Variants in BCOR observed in about 807,000 individuals in gnomAD.
BCOR encodes the protein BCL-6 corepressor.
Under a neutral mutation model 86.7 loss-of-function variants are expected in BCOR, and 10 were observed. That is an observed-to-expected ratio of 0.12 (90% CI 0.07 to 0.20). The LOEUF is 0.20. BCOR is among the 10% of genes least tolerant of loss of function. BCOR has a pLI of 1.00. For missense variants in BCOR, 1,259 were observed against 1,452.1 expected (o/e 0.87, Z 2.16); for synonymous variants, 611 against 609.0 (o/e 1.00, Z -0.05).
rs150061973 is a variant in BCOR, at chrX:40,063,822, C to T, written c.3633G>A (p.Leu1211=). The T allele has an allele frequency of 3.5e-5, 42 of 1,210,258 alleles. No individual in the cohort carries two copies. The African/African-American group carries it at 6.6e-4, about 19-fold the overall frequency. ...TGLHPKKQRH[L]LHLRERWEQQ... The stretch of plus-strand genomic sequence containing the variant: ...GCTCCCATCGTTCTCTAAGGTGCAG[C>T]AAGTGGCGTTGTTTTTTAGGATGGA... The change falls in exon 8 of 15, where the codon TTG becomes TTA. Residue 1211 remains leucine (L), a synonymous_variant. Coordinates refer to ENST00000378444, the MANE Select transcript of BCOR (RefSeq NM_001123385.2).
Position 40,072,557 on chromosome X carries a change from G to C in BCOR, c.2789C>G (p.Pro930Arg), listed in dbSNP as rs753661121. 18 of 1,210,115 alleles carry C rather than the reference G, an allele frequency of 1.5e-5. No individual in the cohort carries two copies. The highest frequency in any genetic ancestry group is 1.9e-5 in the Non-Finnish European group (17 of 895,131). ...GGTGGGGGTCACATCCACACTTGGT[G>C]GGGCACTGCCCACACAAAATGGTTT... The part of the protein sequence containing the change: ...DPKPFCVGSA[P>R]PSVDVTPTYT... Residue 930 changes from proline (P) to arginine (R), a missense_variant, in exon 4 of 15, where the codon CCA becomes CGA. Around this residue, in one of 7 missense-constraint regions of BCOR, gnomAD observed 534 missense variants for 594.8 expected, o/e 0.90. Coordinates refer to ENST00000378444, the MANE Select transcript of BCOR (RefSeq NM_001123385.2).
intron 1 of BCOR, among the ~76,000 whole-genome samples, chrX:40,129,131 A>C (rs184155591): frequency 3.9e-4 from 44 of 111,449 alleles, no homozygotes; most frequent in African/African-American, 1.2e-3. Flanking sequence ...CTCTTAGCCA[A>C]GGTGTGATGT....
chrX:40,133,749 C>T (rs1053943107), intron 1 of BCOR, among the ~76,000 whole-genome samples: 7 of 111,623 alleles, frequency 6.3e-5, no homozygotes, highest in Admixed American at 5.7e-4. Context: ...CGTGAGCCAC[C>T]GCGCCCGGCC....
At position 40,051,791 on chromosome X, in the gene BCOR, T is replaced by C; in HGVS notation, c.*318A>G. 4.6e-6 allele frequency: 1 copy of C among 218,903 alleles called. No homozygotes were observed. The highest frequency in any genetic ancestry group is 2.9e-5 in the African/African-American group (1 of 34,169). The allele number at this position is 218,903 out of a possible 1,213,427, so 18.0% of individuals were successfully genotyped here. A position where few individuals can be genotyped will look rare whatever the true frequency, so the allele number is the denominator to read the frequency against. ...CTTTGTATGAAATTAAGTCAAAGTG[T>C]GGAGCTCCTTTTACTCATTTTTTTT... On this transcript the variant is annotated 3_prime_UTR_variant, in exon 15 of 15. Transcript: ENST00000378444.
intron 1 of BCOR, among the ~76,000 whole-genome samples, chrX:40,109,125 G>A (rs904119610): frequency 8.9e-6 from 1 of 112,160 alleles, no homozygotes; most frequent in African/African-American, 3.2e-5. Flanking sequence ...GGGGCGGGAG[G>A]CGAACCCGGG....
intron 1 of BCOR, among the ~76,000 whole-genome samples, chrX:40,105,706 G>A (rs1937166468): frequency 1.8e-5 from 2 of 112,333 alleles, no homozygotes; most frequent in South Asian, 7.3e-4. Context: ...CAGAGATCGC[G>A]GAGGAGAAAA....
intron 1 of BCOR, among the ~76,000 whole-genome samples, chrX:40,163,446 C>T: frequency 9.0e-6 from 1 of 111,163 alleles, no homozygotes; most frequent in South Asian, 3.9e-4. Context: ...CTCTGAGTCC[C>T]CCTGCCCCCA....
At chrX:40,126,261 C>T (rs187102421) in intron 1 of BCOR, among the ~76,000 whole-genome samples, 1,537 of 106,701 alleles carry the variant, frequency 0.014, 23 homozygotes, top group African/African-American at 0.05. Context: ...TGGTGGCTCA[C>T]ACCTGTAATC....
intron 6 of BCOR, among the ~76,000 whole-genome samples, chrX:40,066,405 G>A (rs188052723): frequency 1.1e-4 from 12 of 111,575 alleles, no homozygotes; most frequent in African/African-American, 1.6e-4. Context: ...CAGTAACAGC[G>A]CCACTTTACA....
At chrX:40,075,739 A>T (rs1329618140) in intron 3 of BCOR, among the ~76,000 whole-genome samples, 1 of 111,765 alleles carries the variant, frequency 8.9e-6, no homozygotes. Context: ...AGGCCGGGCG[A>T]CACAGCGAGA....
At chrX:40,132,940 A>G (rs1161253372) in intron 1 of BCOR, among the ~76,000 whole-genome samples, 1 of 111,747 alleles carries the variant, frequency 8.9e-6, no homozygotes, top group Non-Finnish European at 1.9e-5. Context: ...GCGTGGGGCC[A>G]GGACTCTGAA....
intron 1 of BCOR, among the ~76,000 whole-genome samples, chrX:40,078,204 C>T (rs145479431): frequency 8.0e-5 from 9 of 112,443 alleles, no homozygotes; most frequent in African/African-American, 1.9e-4. Flanking sequence ...AAGTTTAATT[C>T]GAAACAGGTA....
At chrX:40,096,281 C>A (rs901206533) in intron 1 of BCOR, among the ~76,000 whole-genome samples, 82 of 111,194 alleles carry the variant, frequency 7.4e-4, no homozygotes, top group African/African-American at 2.5e-3. Context: ...GCCCAGGTCT[C>A]GCCCGCCCCC....
intron 1 of BCOR, among the ~76,000 whole-genome samples, chrX:40,148,437 T>G (rs1424442435): frequency 9.0e-6 from 1 of 110,922 alleles, no homozygotes; most frequent in Non-Finnish European, 1.9e-5. Context: ...CACCCTTCCT[T>G]TCTCCCTGCT....
chrX:40,102,675 C>A (rs377318195), upstream of BCOR, among the ~76,000 whole-genome samples: 33 of 113,718 alleles, frequency 2.9e-4, no homozygotes, highest in East Asian at 5.0e-3. Flanking sequence ...AGCTTCCCTC[C>A]TCCACTCCCA....
intron 1 of BCOR, among the ~76,000 whole-genome samples, chrX:40,106,237 G>C (rs1018381616): frequency 1.1e-5 from 1 of 94,406 alleles, no homozygotes; most frequent in Non-Finnish European, 2.1e-5. Context: ...CCCAGGGCCC[G>C]GCCCGGGAAG....
Position 40,063,876 on chromosome X carries a change from G to A in BCOR, c.3579C>T (p.Asn1193=), listed in dbSNP as rs2147062090. ...LEDPHYSELT[N]LKVCIELTGL... ...CTGTTAATTCAATGCACACCTTCAG[G>A]TTGGTCAGCTCACTATAATGTGGGT... The change falls in exon 8 of 15, where the codon AAC becomes AAT. Residue 1193 remains asparagine, a synonymous_variant. Coordinates refer to ENST00000378444, the MANE Select transcript of BCOR (RefSeq NM_001123385.2). The A allele has an allele frequency of 8.3e-7, 1 of 1,211,830 alleles. No individual in the cohort carries two copies. Among genetic ancestry groups the A allele is most frequent in the Non-Finnish European group, 1.1e-6 (1 of 895,409 alleles).
At chrX:40,072,173 C>T in intron 4 of BCOR, 176 bp downstream of exon 4, 1 of 486,085 alleles carries the variant, frequency 2.1e-6, no homozygotes, top group Non-Finnish European at 3.5e-6. Context: ...TCCAGACACG[C>T]CTCAGTGCTA....
Position 40,073,776 on chromosome X carries a change from T to C in BCOR, c.1570A>G (p.Ser524Gly). 1 of 1,212,681 alleles carries C rather than the reference T, an allele frequency of 8.2e-7. No homozygotes were observed. The highest frequency in any genetic ancestry group is 1.8e-5 in the South Asian group (1 of 57,060). Residue 524 changes from serine (S) to glycine (G), a missense_variant, in exon 4 of 15, where the codon AGC becomes GGC. Physicochemically the swap from Ser to Gly is moderately conservative, Grantham distance 56. Around this residue, in one of 7 missense-constraint regions of BCOR, gnomAD observed 534 missense variants for 594.8 expected, o/e 0.90. Transcript: ENST00000378444. ...AATGCCTTGTTTTTCAGCGACATGC[T>C]TTTGCCATTGTTCTCTTCGTTAGGA... ...PSPNEENNGK[S>G]MSLKNKALDW...
Sources: gnomAD v4.1 joint callset for allele counts (sites outside exome capture counted in the v4.1 genomes callset) on GRCh38, gnomAD v4.1.1 for gene constraint, gnomAD v4.1.1 regional missense constraint, MANE v1.5 for transcripts, NCBI Gene and HGNC (gene_info 2026-07-23, HGNC 2026-07-21) for gene names.